The following RANBP2 variants were observed in gnomAD, a reference collection of about 807,000 sequenced individuals.
The protein encoded by RANBP2 is E3 SUMO-protein ligase RanBP2.
Under a neutral mutation model 303.6 loss-of-function variants are expected in RANBP2, and 57 were observed. That is an observed-to-expected ratio of 0.19 (90% confidence interval 0.15 to 0.23). The LOEUF is 0.23. Among genes scored for constraint, RANBP2 ranks in the 10% least tolerant of loss-of-function variants. The pLI, the probability that RANBP2 is intolerant of heterozygous loss-of-function variation, is 1.00. For synonymous variants in RANBP2, 1,167 were observed against 1,301.5 expected (o/e 0.90, Z 2.23); for missense variants, 3,138 against 3,780.8 (o/e 0.83, Z 4.46).
the RANBP2 span, among the ~76,000 whole-genome samples, chr2:109,130,879 GCTT>G: frequency 6.6e-6 from 1 of 152,136 alleles, no homozygotes; most frequent in Non-Finnish European, 1.5e-5. Flanking sequence ...GCTTCTTACA[GCTT>G]CTTATTACAC....
chr2:108,921,661 A>C, the RANBP2 span, among the ~76,000 whole-genome samples: 1 of 152,216 alleles, frequency 6.6e-6, no homozygotes, highest in Non-Finnish European at 1.5e-5. Context: ...ACTGCTGGGC[A>C]GGTGCTCTGA....
At chr2:109,140,632 C>T in the RANBP2 span, among the ~76,000 whole-genome samples, 4 of 152,192 alleles carry the variant, frequency 2.6e-5, no homozygotes, top group Admixed American at 2.6e-4. Flanking sequence ...CCACCTGCCT[C>T]AGCCTCCCAA....
the RANBP2 span, chr2:109,733,221 G>T: frequency 2.6e-6 from 1 of 388,996 alleles, no homozygotes; most frequent in South Asian, 2.1e-5. Context: ...CTACTATAAG[G>T]ATTATTCACA....
At chr2:109,381,755 G>C in the RANBP2 span, among the ~76,000 whole-genome samples, 1 of 152,106 alleles carries the variant, frequency 6.6e-6, no homozygotes, top group African/African-American at 2.4e-5. Flanking sequence ...ATGGAACGAA[G>C]GTGCTCTCGC....
At chr2:109,059,661 T>G in the RANBP2 span, among the ~76,000 whole-genome samples, 1 of 151,700 alleles carries the variant, frequency 6.6e-6, no homozygotes, top group African/African-American at 2.4e-5. Context: ...CCACTGCCTC[T>G]CCTCTGGCAC....
the RANBP2 span, among the ~76,000 whole-genome samples, chr2:109,679,545 C>G: frequency 6.6e-6 from 1 of 152,166 alleles, no homozygotes; most frequent in South Asian, 2.1e-4. Flanking sequence ...CCCACCGGCT[C>G]CAGGATAGAT....
At position 108,719,482 on chromosome 2, in the gene RANBP2, A is replaced by T; in HGVS notation, c.-125A>T. 2 of 1,479,356 alleles carry T rather than the reference A, an allele frequency of 1.4e-6. No homozygotes were observed. The highest frequency in any genetic ancestry group is 2.5e-5 in the East Asian group (1 of 40,386). The allele number at this position is 1,479,356 out of a possible 1,614,324, so 91.6% of individuals were successfully genotyped here. ...CCGCCGGCTGCGCCGCAAGTTCGTCACAGTGGTCCTCCGCCGGCTACGGCG... is the reference window on the plus strand; with the variant it reads ...CCGCCGGCTGCGCCGCAAGTTCGTCTCAGTGGTCCTCCGCCGGCTACGGCG... On this transcript the variant is annotated 5_prime_UTR_variant, in exon 1 of 29. Transcript: ENST00000283195.
chr2:109,010,139 A>G, the RANBP2 span, among the ~76,000 whole-genome samples: 1 of 152,184 alleles, frequency 6.6e-6, no homozygotes, highest in Non-Finnish European at 1.5e-5. Context: ...ATGGCTTCTT[A>G]TGAGGGTGGC....
the RANBP2 span, among the ~76,000 whole-genome samples, chr2:109,189,550 G>A: frequency 1.3e-5 from 2 of 151,824 alleles, no homozygotes; most frequent in Non-Finnish European, 2.9e-5. Flanking sequence ...TGTATTTTTA[G>A]TAGAAGCGGG....
chr2:109,281,394 C>T, the RANBP2 span, among the ~76,000 whole-genome samples: 1 of 152,214 alleles, frequency 6.6e-6, no homozygotes, highest in Non-Finnish European at 1.5e-5. Context: ...AGGACTAGCT[C>T]TGCCGATGTG....
At chr2:109,603,021 T>G in the RANBP2 span, among the ~76,000 whole-genome samples, 1 of 149,926 alleles carries the variant, frequency 6.7e-6, no homozygotes, top group South Asian at 2.1e-4. Context: ...CAGTAAGCTG[T>G]GACTGCACCA....
At chr2:108,735,153 A>T (rs959958437) in intron 4 of RANBP2, among the ~76,000 whole-genome samples, 1 of 152,140 alleles carries the variant, frequency 6.6e-6, no homozygotes, top group Admixed American at 6.6e-5. Flanking sequence ...AGGAGAGGGG[A>T]TGCGGGATTG....
the RANBP2 span, among the ~76,000 whole-genome samples, chr2:109,149,509 C>G: frequency 6.6e-6 from 1 of 152,224 alleles, no homozygotes; most frequent in Non-Finnish European, 1.5e-5. Context: ...GCACAGGGCT[C>G]TCTACCATGA....
chr2:109,090,308 CCTCACACACACACACA>C, the RANBP2 span, among the ~76,000 whole-genome samples: 14 of 132,836 alleles, frequency 1.1e-4, no homozygotes, highest in East Asian at 6.5e-4. Context: ...GGACACCTCG[CCTCACACACACACACA>C]CACACACACA....
the RANBP2 span, among the ~76,000 whole-genome samples, chr2:108,967,771 G>A: frequency 3.3e-5 from 5 of 152,122 alleles, no homozygotes; most frequent in Non-Finnish European, 5.9e-5. Flanking sequence ...ATTTCTGCTT[G>A]TTTGAGAGCT....
At chr2:109,208,136 G>A in the RANBP2 span, among the ~76,000 whole-genome samples, 1 of 152,282 alleles carries the variant, frequency 6.6e-6, no homozygotes, top group African/African-American at 2.4e-5. Context: ...TGGGCTCAGA[G>A]TCTGAGCTTA....
chr2:109,052,516 C>A, the RANBP2 span, among the ~76,000 whole-genome samples: 1 of 152,128 alleles, frequency 6.6e-6, no homozygotes, highest in Non-Finnish European at 1.5e-5. Flanking sequence ...GCAAACAAAC[C>A]AATTCTTAAT....
the RANBP2 span, among the ~76,000 whole-genome samples, chr2:109,183,745 G>T: frequency 6.6e-6 from 1 of 152,216 alleles, no homozygotes; most frequent in African/African-American, 2.4e-5. Context: ...GATCCTCCCA[G>T]CAGCTCGGTC....
At chr2:109,058,784 T>C in the RANBP2 span, among the ~76,000 whole-genome samples, 6 of 152,050 alleles carry the variant, frequency 3.9e-5, no homozygotes, top group Non-Finnish European at 8.8e-5. Flanking sequence ...AGAGTAGAGT[T>C]GGTCTCCAAG....
Sources: allele counts gnomAD v4.1 joint callset (sites outside exome capture counted in the v4.1 genomes callset), GRCh38; gene constraint gnomAD v4.1.1; transcripts MANE v1.5; gene names NCBI Gene and HGNC (gene_info 2026-07-23, HGNC 2026-07-21).